ARSG: variants seen among roughly 807,000 people sequenced by gnomAD.
The protein encoded by ARSG is ASG.
ARSG carries 37 observed loss-of-function variants against 50.5 expected under a neutral mutation model. The observed-to-expected ratio is 0.73, with a 90% CI of 0.56 to 0.96. The LOEUF (loss-of-function observed/expected upper bound fraction) is 0.96. Among genes scored for constraint, ARSG ranks in the 50% least tolerant of loss-of-function variants. ARSG has a pLI of 0.00. For missense variants in ARSG, 629 were observed against 675.3 expected, an observed-to-expected ratio of 0.93 and a Z score of 0.76; for synonymous variants, 225 against 254.6, an observed-to-expected ratio of 0.88 and a Z score of 1.11.
In ARSG at chr17:68,381,912, T is replaced by C. The variant is rs1394440487; in HGVS notation, c.983-3152T>C. Among the ~76,000 whole-genome samples the C allele has an allele frequency of 6.6e-6, 1 of 152,090 alleles. No homozygotes were observed. Among genetic ancestry groups the C allele is most frequent in the African/African-American group, 2.4e-5 (1 of 41,432 alleles). On this transcript the variant is annotated intron_variant, in intron 8 of 11. Transcript: ENST00000621439. The surrounding 1 kb of genome is among the most constrained non-coding windows in gnomAD (Gnocchi z 4.1). ...GTTTAGTGAGTGAGGGTGCTGGCTG[T>C]GTAGTCAGACCGGCGTTCACATCTT...
chr17:68,402,680 T>A (rs924037029), intron 11 of ARSG, among the ~76,000 whole-genome samples: 7 of 151,928 alleles, frequency 4.6e-5, no homozygotes, highest in African/African-American at 7.3e-5. Context: ...GCCCGCCACC[T>A]CGCCCGCCTT....
chr17:68,347,158 A>T lies in ARSG; in HGVS notation c.440A>T (p.His147Leu), dbSNP rs2078549280. The part of the protein sequence containing the change: ...KWHLGHHGSY[H>L]PNFRGFDYYF... Reference sequence around the variant, plus strand: ...CATCTTGGACACCACGGCTCTTATCACCCCAACTTCCGTGGTAAGAATTCT... The same window carrying T: ...CATCTTGGACACCACGGCTCTTATCTCCCCAACTTCCGTGGTAAGAATTCT... Residue 147 changes from histidine (H) to leucine (L), a missense_variant, in exon 4 of 12, where the codon CAC becomes CTC. Transcript: ENST00000621439. 1.2e-6 allele frequency: 2 copies of T among 1,613,798 alleles called. No individual in the cohort carries two copies. Among genetic ancestry groups the T allele is most frequent in the African/African-American group, 2.7e-5 (2 of 74,864 alleles).
At chr17:68,383,395 A>C (rs1253853873) in intron 8 of ARSG, among the ~76,000 whole-genome samples, 3 of 152,174 alleles carry the variant, frequency 2.0e-5, no homozygotes, top group Non-Finnish European at 4.4e-5. Flanking sequence ...CTTCTGGTTG[A>C]CCGATAGAGC....
intron 1 of ARSG, among the ~76,000 whole-genome samples, chr17:68,293,258 G>A (rs1257837326): frequency 6.6e-6 from 1 of 152,152 alleles, no homozygotes; most frequent in Non-Finnish European, 1.5e-5. Flanking sequence ...ACTCTATATG[G>A]AAATATCATG....
intron 1 of ARSG, chr17:68,268,911 A>T (rs1482178483): frequency 2.9e-5 from 40 of 1,390,716 alleles, no homozygotes; most frequent in Non-Finnish European, 3.3e-5. Context: ...CAAAAAAAAA[A>T]AGCTTAAAAC....
Position 68,378,633 on chromosome 17 carries a change from TC to T in ARSG, c.983-6428del, listed in dbSNP as rs35540306. 0.16 allele frequency among the ~76,000 whole-genome samples: 23,589 copies of T among 152,136 alleles called. 2,456 individuals carry two copies. Among genetic ancestry groups the T allele is most frequent in the East Asian group, 0.41 (2,116 of 5,138 alleles). ...CAGCCTGGTCCAGGAGGCCTGGCTC[TC>T]CCAGCAGCCGCCTTCCCTTCTCCAT... On this transcript the variant is annotated intron_variant, in intron 8 of 11. Coordinates refer to ENST00000621439, the MANE Select transcript of ARSG (RefSeq NM_001267727.2). This position sits in a 1 kb window ranked among gnomAD's most constrained non-coding sequence, Gnocchi z 4.4.
At chr17:68,385,293 G>A in intron 9 of ARSG, 121 bp downstream of exon 9, 1 of 773,614 alleles carries the variant, frequency 1.3e-6, no homozygotes, top group Non-Finnish European at 2.2e-6. Flanking sequence ...GAGGCCTCAG[G>A]AAGGTCATTC....
intron 11 of ARSG, among the ~76,000 whole-genome samples, chr17:68,406,145 G>A (rs146055515): frequency 3.3e-5 from 5 of 152,074 alleles, no homozygotes; most frequent in Admixed American, 3.3e-4. Flanking sequence ...TACGATGTTT[G>A]GTTTTTCATT....
At chr17:68,314,954 C>A (rs1157179610) in intron 2 of ARSG, among the ~76,000 whole-genome samples, 1 of 152,180 alleles carries the variant, frequency 6.6e-6, no homozygotes, top group Non-Finnish European at 1.5e-5. Context: ...GGGGCCAACA[C>A]CTTTATTTGA....
chr17:68,346,090 A>T (rs912329833), intron 3 of ARSG, among the ~76,000 whole-genome samples: 14 of 152,102 alleles, frequency 9.2e-5, no homozygotes, highest in African/African-American at 3.4e-4. Context: ...TGCCCAGGCT[A>T]GTCTCAAACT....
intron 1 of ARSG, chr17:68,272,785 A>G: frequency 6.2e-7 from 1 of 1,613,412 alleles, no homozygotes; most frequent in South Asian, 1.1e-5. Flanking sequence ...AGAAAAGTCA[A>G]AAAAGCCAAT....
chr17:68,373,855 G>C (rs1159892734), intron 8 of ARSG, among the ~76,000 whole-genome samples: 1 of 151,922 alleles, frequency 6.6e-6, no homozygotes, highest in Non-Finnish European at 1.5e-5. Context: ...GTGGATGGGG[G>C]TGTGTCAAGA....
At chr17:68,437,573 C>G in the ARSG span, among the ~76,000 whole-genome samples, 1 of 151,514 alleles carries the variant, frequency 6.6e-6, no homozygotes, top group Non-Finnish European at 1.5e-5. Context: ...AAAAAGAAAC[C>G]GAGCAATTTC....
At chr17:68,385,034 A>G (rs1314926738) in intron 8 of ARSG, 30 bp from the exon 9 acceptor site, 1 of 1,585,196 alleles carries the variant, frequency 6.3e-7, no homozygotes, top group African/African-American at 1.3e-5. Flanking sequence ...ATCACCATGG[A>G]TGAACCAGCT....
chr17:68,421,587 T>C (rs1393999067), downstream of ARSG: 9 of 722,742 alleles, frequency 1.2e-5, no homozygotes, highest in South Asian at 3.3e-5. Context: ...CCCGCGCCCA[T>C]TGGCAACCAG....
rs1434929391 is a variant in ARSG at position 68,399,445 on chromosome 17, A to G, written c.1213-1915A>G. 6.6e-6 allele frequency among the ~76,000 whole-genome samples: 1 copy of G among 152,236 alleles called. No homozygotes were observed. Among genetic ancestry groups the G allele is most frequent in the African/African-American group, 2.4e-5 (1 of 41,466 alleles). On this transcript the variant is annotated intron_variant, in intron 10 of 11. Transcript: ENST00000621439. The surrounding 1 kb of genome is among the most constrained non-coding windows in gnomAD (Gnocchi z 4.6). The stretch of plus-strand genomic sequence containing the variant: ...GAGCAAGAAAGGCCACCAGGAAGGC[A>G]AAACAAGTTTGCAGAAGATAAAGTC...
At chr17:68,449,768 A>G in the ARSG span, among the ~76,000 whole-genome samples, 298 of 152,258 alleles carry the variant, frequency 2.0e-3, 2 homozygotes, top group African/African-American at 6.6e-3. Context: ...AGTGAAACCT[A>G]TTTTCTTTAT....
At chr17:68,338,622 C>T (rs2078133687) in intron 2 of ARSG, among the ~76,000 whole-genome samples, 1 of 152,166 alleles carries the variant, frequency 6.6e-6, no homozygotes, top group South Asian at 2.1e-4. Context: ...TCTACCCCTT[C>T]CAGCAGTGTG....
chr17:68,425,912 C>G, downstream of ARSG: 1 of 618,358 alleles, frequency 1.6e-6, no homozygotes, highest in Non-Finnish European at 2.8e-6. Flanking sequence ...GGATTCGAAG[C>G]ACACAGTACA....
Sources: gnomAD v4.1 joint callset for allele counts (sites outside exome capture counted in the v4.1 genomes callset) on GRCh38, gnomAD v4.1.1 for gene constraint, Gnocchi (gnomAD v3.1) non-coding constraint, MANE v1.5 for transcripts, NCBI Gene and HGNC (gene_info 2026-07-23, HGNC 2026-07-21) for gene names.